Variants in MEF2C observed in about 807,000 individuals in gnomAD.
The protein encoded by MEF2C is myocyte-specific enhancer factor 2C.
In MEF2C, 6 loss-of-function variants were observed where a neutral mutation model predicts 50.5. The observed-to-expected ratio is 0.12, with a 90% confidence interval of 0.07 to 0.23. The LOEUF (loss-of-function observed/expected upper bound fraction) is 0.23, where lower values mean the gene tolerates loss of function less well. Among genes scored for constraint, MEF2C ranks in the 10% least tolerant of loss-of-function variants. The probability of loss-of-function intolerance (pLI) is 1.00; values close to 1 mark genes in which losing one functional copy is unlikely to be tolerated. For synonymous variants in MEF2C, 183 were observed against 228.0 expected (o/e 0.80, Z 1.78); for missense variants, 276 against 605.0 (o/e 0.46, Z 5.70).
intron 1 of MEF2C, among the ~76,000 whole-genome samples, chr5:88,896,188 T>A (rs1432799293): frequency 6.6e-6 from 1 of 152,224 alleles, no homozygotes; most frequent in Admixed American, 6.5e-5. Flanking sequence ...AAGATACTCC[T>A]TGAAAATTTA....
At chr5:88,837,627 A>T (rs1815702702) in intron 1 of MEF2C, among the ~76,000 whole-genome samples, 1 of 152,212 alleles carries the variant, frequency 6.6e-6, no homozygotes, top group African/African-American at 2.4e-5. Flanking sequence ...TCAATAAAGG[A>T]GGAAAACAAA....
chr5:88,828,175 T>C (rs1236499778), intron 1 of MEF2C, among the ~76,000 whole-genome samples: 3 of 151,988 alleles, frequency 2.0e-5, no homozygotes, highest in Non-Finnish European at 4.4e-5. Context: ...CACAACACTT[T>C]GATTTAGAAG....
chr5:88,871,021 T>C (rs530404104), intron 1 of MEF2C, among the ~76,000 whole-genome samples: 2 of 152,222 alleles, frequency 1.3e-5, no homozygotes, highest in Non-Finnish European at 2.9e-5. Flanking sequence ...GTTTAAACAG[T>C]TGGCTCAATA....
intron 1 of MEF2C, among the ~76,000 whole-genome samples, chr5:88,828,136 G>C (rs528453239): frequency 6.6e-6 from 1 of 152,022 alleles, no homozygotes; most frequent in South Asian, 2.1e-4. Context: ...AAGCGTATCT[G>C]AGTCATCATC....
chr5:88,735,967 C>T, intron 6 of MEF2C: 1 of 985,302 alleles, frequency 1.0e-6, no homozygotes, highest in Non-Finnish European at 1.2e-6. Flanking sequence ...TGAATACAAG[C>T]ATATAAGACT....
Position 88,743,149 on chromosome 5 carries a change from T to C in MEF2C, c.637+5921A>G, listed in dbSNP as rs1767651793. 3.3e-6 allele frequency: 3 copies of C among 914,372 alleles called. No individual in the cohort carries two copies. In the African/African-American group the frequency reaches 5.4e-5, roughly 16 times the overall value. The allele number at this position is 914,372 out of a possible 1,614,324, so 56.6% of individuals were successfully genotyped here. A position where few individuals can be genotyped will look rare whatever the true frequency, so the allele number is the denominator to read the frequency against. On this transcript the variant is annotated intron_variant, in intron 6 of 10. Transcript: ENST00000504921. ...CTGCTTAATAATATTTTAAAAATAA[T>C]ATAAAAATTATATCTTTATACTAAC...
At chr5:88,836,952 A>G (rs1267399361) in intron 1 of MEF2C, among the ~76,000 whole-genome samples, 1 of 148,226 alleles carries the variant, frequency 6.7e-6, no homozygotes, top group East Asian at 2.0e-4. Flanking sequence ...GCATTCCCCA[A>G]AGTGGATTCC....
At chr5:88,827,751 A>G (rs954603661) in intron 1 of MEF2C, among the ~76,000 whole-genome samples, 1 of 151,960 alleles carries the variant, frequency 6.6e-6, no homozygotes, top group Non-Finnish European at 1.5e-5. Flanking sequence ...TAATGCAGTC[A>G]TATAATTGGA....
intron 6 of MEF2C, chr5:88,734,561 G>GTTTGT: frequency 2.8e-5 from 7 of 253,864 alleles, no homozygotes; most frequent in East Asian, 3.9e-4. Context: ...CTTGAGAAAA[G>GTTTGT]TTTGTTTTTT....
intron 1 of MEF2C, among the ~76,000 whole-genome samples, chr5:88,837,169 A>G (rs1815492729): frequency 6.6e-6 from 1 of 152,216 alleles, no homozygotes; most frequent in Admixed American, 6.5e-5. Context: ...TTTAAAGAAA[A>G]TAACAAGCTT....
At chr5:88,767,735 A>G (rs1024200928) in intron 3 of MEF2C, among the ~76,000 whole-genome samples, 3 of 152,118 alleles carry the variant, frequency 2.0e-5, no homozygotes, top group African/African-American at 7.2e-5. Flanking sequence ...TGACTGAATC[A>G]TTTTCATCTT....
At chr5:88,748,321 G>GTA in intron 6 of MEF2C, 1 of 395,928 alleles carries the variant, frequency 2.5e-6, no homozygotes, top group South Asian at 1.1e-4. Flanking sequence ...TATTTTAAAT[G>GTA]TATAGCATGT....
intron 3 of MEF2C, among the ~76,000 whole-genome samples, chr5:88,788,294 G>T (rs1233121351): frequency 6.6e-6 from 1 of 152,002 alleles, no homozygotes; most frequent in African/African-American, 2.4e-5. Context: ...TCCGCCTCCC[G>T]GGCTCAAGCA....
chr5:88,767,061 G>A (rs1780362308), intron 3 of MEF2C, among the ~76,000 whole-genome samples: 1 of 152,192 alleles, frequency 6.6e-6, no homozygotes, highest in Non-Finnish European at 1.5e-5. Context: ...CCATATTGGT[G>A]TGCTGGTACT....
chr5:88,788,378 T>C (rs1277752313), intron 3 of MEF2C, among the ~76,000 whole-genome samples: 1 of 151,848 alleles, frequency 6.6e-6, no homozygotes, highest in African/African-American at 2.4e-5. Context: ...TTTTTTTTTT[T>C]TTTGTATTTT....
At chr5:88,855,533 C>T (rs1371077086) in intron 1 of MEF2C, among the ~76,000 whole-genome samples, 1 of 152,148 alleles carries the variant, frequency 6.6e-6, no homozygotes, top group Non-Finnish European at 1.5e-5. Context: ...TACAGTTTGG[C>T]TGTGTCCCCA....
intron 3 of MEF2C, among the ~76,000 whole-genome samples, chr5:88,797,455 C>CTTTTTTTTTTTT (rs879036291): frequency 1.6e-5 from 1 of 63,280 alleles, no homozygotes; most frequent in Non-Finnish European, 2.8e-5. Context: ...CAACCCTTGC[C>CTTTTTTTTTTTT]TTTTTTTTTT....
intron 1 of MEF2C, among the ~76,000 whole-genome samples, chr5:88,870,306 GT>G (rs1208426942): frequency 1.3e-5 from 2 of 151,950 alleles, no homozygotes; most frequent in African/African-American, 4.8e-5. Context: ...GAATATAAAA[GT>G]TTCTTAGAAA....
At chr5:88,833,812 C>T (rs1474518528) in intron 1 of MEF2C, among the ~76,000 whole-genome samples, 1 of 151,874 alleles carries the variant, frequency 6.6e-6, no homozygotes, top group Non-Finnish European at 1.5e-5. Flanking sequence ...AATTATAGTG[C>T]TTCTTATAAG....
Sources: allele counts gnomAD v4.1 joint callset (sites outside exome capture counted in the v4.1 genomes callset), GRCh38; gene constraint gnomAD v4.1.1; transcripts MANE v1.5; gene names NCBI Gene and HGNC (gene_info 2026-07-23, HGNC 2026-07-21).